ATP8B4: variants seen among roughly 807,000 people sequenced by gnomAD.
ATP8B4 encodes the protein ATPase phospholipid transporting 8B4 (putative).
In ATP8B4, 133 loss-of-function variants were observed where a neutral mutation model predicts 145.6. The ratio of observed to expected loss-of-function variants is 0.91; its 90% confidence interval spans 0.79 to 1.05. The LOEUF (loss-of-function observed/expected upper bound fraction) is 1.05. Ranked by LOEUF, ATP8B4 falls within the 50% of genes least tolerant of loss-of-function variation. The probability of loss-of-function intolerance (pLI) is 0.00; values close to 1 mark genes in which losing one functional copy is unlikely to be tolerated. For missense variants in ATP8B4, 1,458 were observed against 1,425.2 expected, an observed-to-expected ratio of 1.02 and a Z score of -0.37; for synonymous variants, 507 against 492.9, an observed-to-expected ratio of 1.03 and a Z score of -0.38.
In ATP8B4 at chr15:50,044,481, T is replaced by G. The variant is rs182059549; in HGVS notation, c.300+113A>C. The stretch of plus-strand genomic sequence containing the variant: ...AAACAAATAGTAAAATAGCTTTATA[T>G]GATATTAACCAAAATAACTTCATTC... On this transcript the variant is annotated intron_variant, in intron 5 of 27. Transcript: ENST00000284509. 1.3e-5 allele frequency: 9 copies of G among 675,576 alleles called. No homozygotes were observed. The Admixed American group carries it at 1.7e-4, about 13-fold the overall frequency. The allele number at this position is 675,576 out of a possible 1,614,324, so 41.8% of individuals were successfully genotyped here.
At chr15:49,901,749 A>T (rs533883953) in intron 20 of ATP8B4, 19 of 399,136 alleles carry the variant, frequency 4.8e-5, no homozygotes, top group African/African-American at 1.7e-4. Flanking sequence ...CATATTTTTT[A>T]AAAAAAATTT....
At chr15:50,050,511 CTT>C (rs888873900) in intron 3 of ATP8B4, among the ~76,000 whole-genome samples, 1 of 151,590 alleles carries the variant, frequency 6.6e-6, no homozygotes, top group Non-Finnish European at 1.5e-5. Context: ...AATATTTAAT[CTT>C]GAGTATACTA....
At chr15:50,164,256 A>G (rs1186126523) in intron 1 of ATP8B4, among the ~76,000 whole-genome samples, 2 of 152,236 alleles carry the variant, frequency 1.3e-5, no homozygotes, top group Non-Finnish European at 2.9e-5. Context: ...TGAAGCCAAC[A>G]TATTTCTGAG....
chr15:49,941,910 C>A (rs2042191798), intron 14 of ATP8B4, among the ~76,000 whole-genome samples: 1 of 152,054 alleles, frequency 6.6e-6, no homozygotes, highest in African/African-American at 2.4e-5. Context: ...GAGGTTGGAG[C>A]CCACTCTTCC....
rs1312195339 is a variant in ATP8B4 at position 49,931,218 on chromosome 15, G to A, written c.1543C>T (p.Pro515Ser). The A allele has an allele frequency of 2.5e-6, 4 of 1,612,702 alleles. No homozygotes were observed. The highest frequency in any genetic ancestry group is 1.1e-5 in the South Asian group (1 of 91,030). Residue 515 changes from proline to serine, a missense_variant, in exon 16 of 28, where the codon CCA becomes TCA. Physicochemically the swap from Pro to Ser is moderately conservative, Grantham distance 74. Coordinates refer to ENST00000284509, the MANE Select transcript of ATP8B4 (RefSeq NM_024837.4). ...AATTCTTCTATTGTTATGGTCTCTGGGGTCCGGGATTTAAAAATGAACCCA... is the reference window on the plus strand; with the variant it reads ...AATTCTTCTATTGTTATGGTCTCTGAGGTCCGGGATTTAAAAATGAACCCA... ...NFGFIFKSRTPETITIEELGT... is the reference protein window; with the variant it reads ...NFGFIFKSRTSETITIEELGT...
At chr15:50,014,639 G>A (rs954068408) in intron 6 of ATP8B4, among the ~76,000 whole-genome samples, 4 of 152,014 alleles carry the variant, frequency 2.6e-5, no homozygotes, top group African/African-American at 9.7e-5. Context: ...TATATTCCAT[G>A]AAATATTTGG....
intron 1 of ATP8B4, among the ~76,000 whole-genome samples, chr15:50,167,430 A>G (rs2044611503): frequency 6.6e-6 from 1 of 152,046 alleles, no homozygotes; most frequent in Non-Finnish European, 1.5e-5. Flanking sequence ...ATAGCACTTC[A>G]ATCTCTGCCT....
At chr15:50,132,767 A>G (rs2044065585) in intron 1 of ATP8B4, among the ~76,000 whole-genome samples, 1 of 152,240 alleles carries the variant, frequency 6.6e-6, no homozygotes. Flanking sequence ...ACACCATGGA[A>G]TACTATGCAG....
At chr15:50,119,252 A>G (rs2057235665), upstream of ATP8B4, 1 of 152,320 alleles carries the variant, frequency 6.6e-6, no homozygotes, top group African/African-American at 2.4e-5. Flanking sequence ...GAGGGATGAT[A>G]CAGAAAACAA....
chr15:50,046,504 T>C (rs540796102), intron 4 of ATP8B4, among the ~76,000 whole-genome samples: 2 of 152,350 alleles, frequency 1.3e-5, no homozygotes, highest in South Asian at 4.1e-4. Context: ...CCATGAATAA[T>C]TTATCTTTTG....
intron 3 of ATP8B4, among the ~76,000 whole-genome samples, chr15:50,052,273 T>C (rs1309159547): frequency 6.6e-6 from 1 of 152,196 alleles, no homozygotes; most frequent in African/African-American, 2.4e-5. Context: ...CCACCATGAA[T>C]GACTACAAAC....
At chr15:49,988,778 A>AG (rs146505769) in intron 9 of ATP8B4, among the ~76,000 whole-genome samples, 2,564 of 152,258 alleles carry the variant, frequency 0.017, 71 homozygotes, top group African/African-American at 0.059. Flanking sequence ...GAGGCTTCTT[A>AG]GGGGGGTCCC....
chr15:50,158,930 A>G (rs1356871827), intron 1 of ATP8B4, among the ~76,000 whole-genome samples: 4 of 151,962 alleles, frequency 2.6e-5, no homozygotes, highest in African/African-American at 4.8e-5. Flanking sequence ...AGTCATCACC[A>G]CTCCCTAATC....
chr15:49,968,302 A>C (rs2044740543), intron 13 of ATP8B4, among the ~76,000 whole-genome samples: 1 of 152,234 alleles, frequency 6.6e-6, no homozygotes, highest in African/African-American at 2.4e-5. Context: ...AAATGGGCTA[A>C]ATGCCCCAAT....
chr15:50,074,070 C>A, intron 3 of ATP8B4, 57 bp downstream of exon 3: 1 of 1,454,792 alleles, frequency 6.9e-7, no homozygotes, highest in South Asian at 1.2e-5. Context: ...ACATGCATCC[C>A]ACTGTCTTTA....
At chr15:49,888,970 G>T (rs781450669) in intron 23 of ATP8B4, among the ~76,000 whole-genome samples, 24 of 152,034 alleles carry the variant, frequency 1.6e-4, no homozygotes, top group Admixed American at 3.9e-4. Context: ...GACACACCCC[G>T]CAAGTCATGA....
intron 1 of ATP8B4, among the ~76,000 whole-genome samples, chr15:50,160,487 G>A (rs1012227823): frequency 6.3e-5 from 9 of 143,120 alleles, no homozygotes; most frequent in African/African-American, 1.3e-4. Flanking sequence ...TTTATCTGAC[G>A]TTTTTCTACT....
intron 23 of ATP8B4, among the ~76,000 whole-genome samples, chr15:49,882,394 T>C (rs1462992183): frequency 3.3e-5 from 5 of 152,216 alleles, no homozygotes; most frequent in Admixed American, 2.6e-4. Flanking sequence ...TAGATACATA[T>C]GTTCACAAAT....
intron 14 of ATP8B4, among the ~76,000 whole-genome samples, chr15:49,957,616 T>G (rs995117637): frequency 3.3e-5 from 5 of 151,850 alleles, no homozygotes; most frequent in African/African-American, 1.2e-4. Flanking sequence ...AAACGAAAAA[T>G]ACTCAAGAAT....
Sources: gnomAD v4.1 joint callset for allele counts (sites outside exome capture counted in the v4.1 genomes callset) on GRCh38, gnomAD v4.1.1 for gene constraint, MANE v1.5 for transcripts, NCBI Gene and HGNC (gene_info 2026-07-23, HGNC 2026-07-21) for gene names.